Variants in ACP7 observed in about 807,000 individuals in gnomAD.
The protein encoded by ACP7 is acid phosphatase type 7.
ACP7 carries 58 observed loss-of-function variants against 60.6 expected under a neutral mutation model. The ratio of observed to expected loss-of-function variants is 0.96; its 90% CI spans 0.77 to 1.19. The LOEUF (loss-of-function observed/expected upper bound fraction) is 1.19, where lower values mean the gene tolerates loss of function less well. ACP7 is among the 50% of genes most tolerant of loss of function. The pLI is 0.00. For missense variants in ACP7, 574 were observed against 596.2 expected (o/e 0.96, Z 0.39); for synonymous variants, 237 against 232.6 (o/e 1.02, Z -0.17).
Position 39,101,066 on chromosome 19 carries a change from C to T in ACP7, c.915+10C>T. 1 of 1,614,002 alleles carries T rather than the reference C, an allele frequency of 6.2e-7. No individual in the cohort carries two copies. Among genetic ancestry groups the T allele is most frequent in the African/African-American group, 1.3e-5 (1 of 75,058 alleles). ...ACGACATGAAAGCAAGGTGAGGTCC[C>T]TCCCTGGGAGACAGTGGGGACATGC... On this transcript the variant is annotated intron_variant, in intron 8 of 12. Transcript: ENST00000331256.
intron 11 of ACP7, among the ~76,000 whole-genome samples, chr19:39,104,037 C>T (rs1020912363): frequency 2.0e-5 from 3 of 146,600 alleles, no homozygotes; most frequent in Non-Finnish European, 3.0e-5. Context: ...TCTAGGAGTT[C>T]GAGACCAGCC....
intron 12 of ACP7, among the ~76,000 whole-genome samples, chr19:39,107,848 T>A (rs1368964250): frequency 6.6e-6 from 1 of 151,404 alleles, no homozygotes; most frequent in Non-Finnish European, 1.5e-5. Flanking sequence ...ATGGCACCAC[T>A]GCCCTCCAGC....
At chr19:39,097,656 G>A (rs552109670) in intron 2 of ACP7, among the ~76,000 whole-genome samples, 1 of 151,730 alleles carries the variant, frequency 6.6e-6, no homozygotes, top group South Asian at 2.1e-4. Flanking sequence ...AGTGATGGCT[G>A]CCCCTTTGAG....
At chr19:39,097,877 A>G (rs1026944455) in intron 2 of ACP7, among the ~76,000 whole-genome samples, 1 of 152,090 alleles carries the variant, frequency 6.6e-6, no homozygotes, top group Non-Finnish European at 1.5e-5. Flanking sequence ...TAACAACCAT[A>G]TAGGGCAGAG....
intron 2 of ACP7, among the ~76,000 whole-genome samples, chr19:39,098,103 TAGCC>T (rs1336595421): frequency 6.6e-6 from 1 of 151,432 alleles, no homozygotes; most frequent in Non-Finnish European, 1.5e-5. Context: ...ATGCAAAAAT[TAGCC>T]AGGCATGGTG....
chr19:39,098,993 G>T lies in ACP7; in HGVS notation c.356G>T (p.Arg119Leu), dbSNP rs1473683916. Residue 119 changes from arginine to leucine, a missense_variant, in exon 4 of 13, where the codon CGT becomes CTT. Physicochemically the swap from Arg to Leu is moderately radical, Grantham distance 102. Transcript: ENST00000331256. ...TGTGGCAGTGCGCAGGGCTGGAGCC[G>T]TCGGTTCCGCTTCAGGGCCCTCAAG... is the stretch of plus-strand genomic sequence containing the variant. ...YRCGSAQGWS[R>L]RFRFRALKNG... is the part of the protein sequence containing the mutation. The T allele has an allele frequency of 5.6e-6, 9 of 1,612,828 alleles. No homozygotes were observed. The highest frequency in any genetic ancestry group is 1.7e-4 in the Middle Eastern group (1 of 6,060).
chr19:39,102,800 T>G (rs1429643588), intron 11 of ACP7, among the ~76,000 whole-genome samples: 1 of 150,470 alleles, frequency 6.6e-6, no homozygotes, highest in African/African-American at 2.5e-5. Flanking sequence ...TCTCTTTCTT[T>G]CTTTCTTTTC....
At chr19:39,103,045 C>T (rs188296538) in intron 11 of ACP7, among the ~76,000 whole-genome samples, 3 of 151,990 alleles carry the variant, frequency 2.0e-5, no homozygotes, top group East Asian at 1.9e-4. Flanking sequence ...ACCATGCTGG[C>T]GAGGCTGGTC....
chr19:39,109,973 G>A, intron 12 of ACP7, 80 bp from the exon 13 acceptor site: 6 of 1,404,730 alleles, frequency 4.3e-6, no homozygotes, highest in Non-Finnish European at 6.0e-6. Context: ...AGGGCAGAGA[G>A]GGGACTGGAA....
rs200153327 is a variant in ACP7, at chr19:39,106,959, C to G, written c.1126C>G (p.Arg376Gly). 1 of 1,613,806 alleles carries G rather than the reference C, an allele frequency of 6.2e-7. No individual in the cohort carries two copies. The highest frequency in any genetic ancestry group is 2.2e-5 in the East Asian group (1 of 44,882). The part of the protein sequence containing the change: ...IITGSAGCEE[R>G]LTPFAVFPRP... The stretch of plus-strand genomic sequence containing the variant: ...CTCCCCGCCCCAGGGCTGTGAGGAG[C>G]GGCTGACGCCCTTTGCTGTCTTCCC... The change falls in exon 12 of 13, where the codon CGG (arginine) becomes GGG (glycine). Residue 376 changes from arginine to glycine, a missense_variant. By Grantham distance (125) the Arg-to-Gly change is moderately radical. Coordinates refer to ENST00000331256, the MANE Select transcript of ACP7 (RefSeq NM_001004318.3).
At chr19:39,098,727 A>G (rs2073301438) in intron 3 of ACP7, 69 bp downstream of exon 3, 2 of 1,489,194 alleles carry the variant, frequency 1.3e-6, no homozygotes, top group Non-Finnish European at 1.8e-6. Flanking sequence ...ACTAGAAGCT[A>G]CCACTGGCCG....
chr19:39,109,685 TAAA>T (rs34682645), intron 12 of ACP7, among the ~76,000 whole-genome samples: 8 of 65,500 alleles, frequency 1.2e-4, no homozygotes, highest in African/African-American at 2.9e-4. Context: ...AGACTCTGTC[TAAA>T]AAAAAAAAAA....
At position 39,106,936 on chromosome 19, in the gene ACP7, C is replaced by A; in HGVS notation, c.1114-11C>A. On this transcript the variant is annotated splice_polypyrimidine_tract_variant and intron_variant, in intron 11 of 12. Transcript: ENST00000331256. ...ACCTGCTCTGGGTCTGATCAGTTCTCCCCGCCCCAGGGCTGTGAGGAGCGG... is the reference window on the plus strand; with the variant it reads ...ACCTGCTCTGGGTCTGATCAGTTCTACCCGCCCCAGGGCTGTGAGGAGCGG... 6.2e-7 allele frequency: 1 copy of A among 1,613,336 alleles called. No homozygotes were observed.
intron 11 of ACP7, among the ~76,000 whole-genome samples, chr19:39,102,189 C>T (rs779654717): frequency 6.7e-4 from 102 of 151,488 alleles, no homozygotes; most frequent in Non-Finnish European, 1.3e-3. Context: ...TGCAGTGGCT[C>T]ATTCCTGTAA....
rs139592140 is a variant in ACP7, at chr19:39,099,122, A to G, written c.485A>G (p.Tyr162Cys). The stretch of plus-strand genomic sequence containing the variant: ...CGCAGGGACACCCAGCAGGGCATGT[A>G]TGACGCCGTTCTCCATGTGGGTGAG... ...RLRRDTQQGM[Y>C]DAVLHVGDFA... The change falls in exon 4 of 13, where the codon TAT becomes TGT. Residue 162 changes from tyrosine (Y) to cysteine (C), a missense_variant. Transcript: ENST00000331256. The G allele has an allele frequency of 1.0e-4, 161 of 1,562,366 alleles. 1 individual carries two copies. The African/African-American group carries it at 2.0e-3, about 19-fold the overall frequency.
chr19:39,094,794 T>TA (rs1286510841), intron 2 of ACP7, among the ~76,000 whole-genome samples: 1 of 152,138 alleles, frequency 6.6e-6, no homozygotes, highest in East Asian at 1.9e-4. Flanking sequence ...GATAAAGACA[T>TA]ACCTGAGACT....
At chr19:39,098,371 T>C (rs918707909) in intron 2 of ACP7, 87 bp from the exon 3 acceptor site, 1 of 1,014,340 alleles carries the variant, frequency 9.9e-7, no homozygotes, top group East Asian at 2.8e-5. Flanking sequence ...TGTTCAACAG[T>C]GGTCAACGCC....
Position 39,101,549 on chromosome 19 carries a change from G to A in ACP7, c.1113+12G>A. 6.2e-7 allele frequency: 1 copy of A among 1,612,756 alleles called. No homozygotes were observed. Among genetic ancestry groups the A allele is most frequent in the Admixed American group, 1.7e-5 (1 of 59,908 alleles). On this transcript the variant is annotated intron_variant, in intron 11 of 12. Transcript: ENST00000331256. ...TCACAGGATCTGCTGTGAGCAGGGGGAAGGGTGGCTTTGCCTTCTCTCTCT... is the reference window on the plus strand; with the variant it reads ...TCACAGGATCTGCTGTGAGCAGGGGAAAGGGTGGCTTTGCCTTCTCTCTCT...
At chr19:39,100,032 G>A (rs902216435) in intron 4 of ACP7, among the ~76,000 whole-genome samples, 195 bp from the exon 5 acceptor site, 6 of 149,376 alleles carry the variant, frequency 4.0e-5, no homozygotes, top group African/African-American at 7.4e-5. Context: ...ATCTTGGCCC[G>A]GCACAGTGGC....
Sources: gnomAD v4.1 joint callset for allele counts (sites outside exome capture counted in the v4.1 genomes callset) on GRCh38, gnomAD v4.1.1 for gene constraint, MANE v1.5 for transcripts, NCBI Gene and HGNC (gene_info 2026-07-23, HGNC 2026-07-21) for gene names.